The following BIN3 variants were observed in gnomAD, a reference collection of about 807,000 sequenced individuals.
BIN3 encodes the protein bridging integrator 3.
In BIN3, 41 loss-of-function variants were observed where a neutral mutation model predicts 38.2. The ratio of observed to expected loss-of-function variants is 1.07; its 90% CI spans 0.84 to 1.39. The LOEUF is 1.39. Among genes scored for constraint, BIN3 ranks in the 40% most tolerant of loss-of-function variants. BIN3 has a pLI of 0.00. For synonymous variants in BIN3, 145 were observed against 122.6 expected (o/e 1.18, Z -1.21); for missense variants, 361 against 324.3 (o/e 1.11, Z -0.87).
chr8:22,633,972 T>C (rs1802287634), intron 4 of BIN3, among the ~76,000 whole-genome samples: 1 of 152,234 alleles, frequency 6.6e-6, no homozygotes, highest in South Asian at 2.1e-4. Flanking sequence ...CAACTCTGGT[T>C]TCTCTGCTGG....
chr8:22,650,726 C>T (rs748949771), intron 1 of BIN3, among the ~76,000 whole-genome samples: 9 of 152,212 alleles, frequency 5.9e-5, no homozygotes, highest in Non-Finnish European at 1.0e-4. Flanking sequence ...AATGCTTATA[C>T]TGCTACCTCT....
At chr8:22,629,271 T>TGGGC (rs1802102733) in intron 6 of BIN3, among the ~76,000 whole-genome samples, 1 of 151,906 alleles carries the variant, frequency 6.6e-6, no homozygotes, top group Non-Finnish European at 1.5e-5. Flanking sequence ...GAAGTGCAGC[T>TGGGC]GGGCGAACAG....
rs368846899 is a variant in BIN3, at chr8:22,623,969, G to C, written c.561C>G (p.Tyr187Ter). Residue 187 changes from tyrosine (Y) to a stop codon, truncating the protein, a stop_gained, in exon 8 of 9, where the codon TAC becomes TAG. Coordinates refer to ENST00000276416, the MANE Select transcript of BIN3 (RefSeq NM_018688.6). LOFTEE classifies it high-confidence loss of function. ...RQLLEEMPRF[Y>*]GSRLDYFQPS... ...GCTGGAAGTAGTCGAGGCGGCTGCC[G>C]TAGAAGCGCGGCATCTCCTCCAGCA... 1.2e-6 allele frequency: 2 copies of C among 1,611,954 alleles called. No homozygotes were observed. The highest frequency in any genetic ancestry group is 2.2e-5 in the South Asian group (2 of 90,884).
chr8:22,626,433 C>G (rs1329097086), intron 6 of BIN3: 1 of 152,278 alleles, frequency 6.6e-6, no homozygotes, highest in Non-Finnish European at 1.5e-5. Flanking sequence ...CGTGTTCAGG[C>G]AGCAGGTGCA....
chr8:22,631,766 C>T (rs1442311790), intron 4 of BIN3, among the ~76,000 whole-genome samples: 2 of 152,346 alleles, frequency 1.3e-5, no homozygotes, highest in Admixed American at 1.3e-4. Context: ...GTGCTCCTCC[C>T]TCCTGTGTTG....
At chr8:22,645,998 C>A (rs776074431) in intron 1 of BIN3, among the ~76,000 whole-genome samples, 3 of 152,238 alleles carry the variant, frequency 2.0e-5, no homozygotes, top group Non-Finnish European at 4.4e-5. Flanking sequence ...GAAGGAGGAT[C>A]ATGGGTCTAG....
intron 1 of BIN3, among the ~76,000 whole-genome samples, chr8:22,653,252 C>T (rs1218211543): frequency 6.6e-6 from 1 of 152,150 alleles, no homozygotes; most frequent in Non-Finnish European, 1.5e-5. Flanking sequence ...TCAGTGTGTT[C>T]CGCTGATTTG....
intron 2 of BIN3, among the ~76,000 whole-genome samples, chr8:22,643,724 T>C (rs191251650): frequency 6.6e-6 from 1 of 152,366 alleles, no homozygotes; most frequent in East Asian, 1.9e-4. Context: ...GCAATCTCTT[T>C]CCTGTACTTT....
intron 1 of BIN3, among the ~76,000 whole-genome samples, chr8:22,645,154 G>C: frequency 6.9e-6 from 1 of 145,592 alleles, no homozygotes; most frequent in East Asian, 2.0e-4. Context: ...GACAGAGCAA[G>C]ACCCTATCTC....
At chr8:22,643,336 C>T (rs976055661) in intron 2 of BIN3, among the ~76,000 whole-genome samples, 1 of 150,130 alleles carries the variant, frequency 6.7e-6, no homozygotes, top group Non-Finnish European at 1.5e-5. Flanking sequence ...CACCCCCCAA[C>T]TTTTTTTTTT....
At chr8:22,624,649 G>A (rs375909906) in intron 6 of BIN3, 17 of 363,094 alleles carry the variant, frequency 4.7e-5, no homozygotes, top group African/African-American at 2.5e-4. Flanking sequence ...AGAGGAGGTG[G>A]GGTTGTGGGC....
chr8:22,657,621 G>A (rs957314525), intron 1 of BIN3, among the ~76,000 whole-genome samples: 22 of 152,190 alleles, frequency 1.4e-4, no homozygotes, highest in African/African-American at 2.4e-4. Flanking sequence ...CAGAGAAGTC[G>A]GCAAAAAACT....
intron 2 of BIN3, among the ~76,000 whole-genome samples, chr8:22,641,603 C>T (rs1802564008): frequency 6.6e-6 from 1 of 152,148 alleles, no homozygotes; most frequent in Non-Finnish European, 1.5e-5. Flanking sequence ...AAAGTGGGCT[C>T]CCTGTAGGTA....
Position 22,621,070 on chromosome 8 carries a change from C to CGTAT in BIN3, c.*351_*352insATAC. ...GGTCTTTTGGAGGTAGATTTGATGCCCACAACGCATGCAAGGCTAAGACCC... is the reference window on the plus strand; with the variant it reads ...GGTCTTTTGGAGGTAGATTTGATGCCGTATCACAACGCATGCAAGGCTAAGACCC... On this transcript the variant is annotated 3_prime_UTR_variant, in exon 9 of 9. Coordinates refer to ENST00000276416, the MANE Select transcript of BIN3 (RefSeq NM_018688.6). The CGTAT allele has an allele frequency of 4.7e-6, 1 of 214,192 alleles. No individual in the cohort carries two copies. The highest frequency in any genetic ancestry group is 1.2e-4 in the East Asian group (1 of 8,320). The allele number at this position is 214,192 out of a possible 1,614,324, so 13.3% of individuals were successfully genotyped here.
chr8:22,630,556 C>T lies in BIN3; in HGVS notation c.183G>A (p.Lys61=). ...ADLAMSKSAV[K]ISLDLLSNPL... Reference sequence around the variant, plus strand: ...GATTGGAGAGTAAGTCCAAGGATATCTTCACGGCAGATTTTGACATGGCTG... The same window carrying T: ...GATTGGAGAGTAAGTCCAAGGATATTTTCACGGCAGATTTTGACATGGCTG... Residue 61 remains lysine, a synonymous_variant, in exon 5 of 9, where the codon AAG becomes AAA. Transcript: ENST00000276416. 1.9e-6 allele frequency: 3 copies of T among 1,613,980 alleles called. No homozygotes were observed. Among genetic ancestry groups the T allele is most frequent in the Non-Finnish European group, 1.7e-6 (2 of 1,179,858 alleles).
intron 4 of BIN3, among the ~76,000 whole-genome samples, chr8:22,635,879 C>T (rs1563957436): frequency 6.6e-6 from 1 of 152,154 alleles, no homozygotes; most frequent in Non-Finnish European, 1.5e-5. Context: ...GCAGCAAGGG[C>T]TCTGGATGCT....
chr8:22,638,943 C>T (rs1442355294), intron 2 of BIN3, among the ~76,000 whole-genome samples: 1 of 152,220 alleles, frequency 6.6e-6, no homozygotes, highest in Non-Finnish European at 1.5e-5. Flanking sequence ...AAATCACTCC[C>T]ACTAAAGCAC....
intron 6 of BIN3, chr8:22,625,061 T>G (rs1801961858): frequency 4.7e-6 from 2 of 423,446 alleles, no homozygotes; most frequent in Admixed American, 3.6e-5. Context: ...ACCGCCAAAG[T>G]TCCAACCAGC....
intron 1 of BIN3, among the ~76,000 whole-genome samples, chr8:22,668,265 C>T (rs552224164): frequency 2.6e-5 from 4 of 152,292 alleles, no homozygotes; most frequent in African/African-American, 7.2e-5. Context: ...ATGGGGATTG[C>T]CTTTTGGGCA....
Sources: gnomAD v4.1 joint callset for allele counts (sites outside exome capture counted in the v4.1 genomes callset) on GRCh38, gnomAD v4.1.1 for gene constraint, MANE v1.5 for transcripts, NCBI Gene and HGNC (gene_info 2026-07-23, HGNC 2026-07-21) for gene names.